The following MCF2L variants were observed in gnomAD, a reference collection of about 807,000 sequenced individuals.
The protein encoded by MCF2L is MCF.2 cell line derived transforming sequence like, also known as guanine nucleotide exchange factor DBS.
MCF2L carries 97 observed loss-of-function variants against 153.4 expected under a neutral mutation model. The ratio of observed to expected loss-of-function variants is 0.63; its 90% CI spans 0.54 to 0.75. The LOEUF (loss-of-function observed/expected upper bound fraction) is 0.75. MCF2L is among the 30% of genes least tolerant of loss of function. MCF2L has a pLI of 0.00. For synonymous variants in MCF2L, 659 were observed against 632.2 expected (o/e 1.04, Z -0.64); for missense variants, 1,347 against 1,495.2 (o/e 0.90, Z 1.64).
chr13:113,037,732 T>C (rs2086238443), intron 3 of MCF2L, among the ~76,000 whole-genome samples: 1 of 152,228 alleles, frequency 6.6e-6, no homozygotes, highest in African/African-American at 2.4e-5. Flanking sequence ...AGCCCCACTT[T>C]CTGCATTTCA....
At chr13:112,985,992 ACTCTTC>A (rs138934900) in intron 1 of MCF2L, among the ~76,000 whole-genome samples, 2,221 of 152,046 alleles carry the variant, frequency 0.015, 59 homozygotes, top group African/African-American at 0.052. Flanking sequence ...AGCCCCGGCC[ACTCTTC>A]CTCTTCCCGT....
rs899249546 is a variant in MCF2L at position 112,960,716 on chromosome 13, C to T, written c.170-54047C>T. Among the ~76,000 whole-genome samples the T allele has an allele frequency of 1.3e-5, 2 of 152,160 alleles. No homozygotes were observed. Among genetic ancestry groups the T allele is most frequent in the Non-Finnish European group, 2.9e-5 (2 of 68,028 alleles). ...GCAGGGCTAGTCCCTTCTGGAGGCT[C>T]CAGGAAGAATCCTTTCCTCGCCCTG... On this transcript the variant is annotated intron_variant, in intron 2 of 29. Coordinates refer to the MCF2L transcript ENST00000375608. This position sits in a 1 kb window ranked among gnomAD's most constrained non-coding sequence, Gnocchi z 4.2.
At chr13:112,927,470 A>G (rs1167504082) in intron 2 of MCF2L, among the ~76,000 whole-genome samples, 1 of 152,132 alleles carries the variant, frequency 6.6e-6, no homozygotes, top group Non-Finnish European at 1.5e-5. Flanking sequence ...CTTTGGATAA[A>G]TGACCGGGTC....
chr13:113,039,611 C>T (rs865863054), intron 3 of MCF2L, among the ~76,000 whole-genome samples: 7 of 150,630 alleles, frequency 4.6e-5, no homozygotes, highest in Non-Finnish European at 7.4e-5. Flanking sequence ...GAGAACTACA[C>T]ACCAACAAGT....
At chr13:113,089,801 C>G in intron 26 of MCF2L, 73 bp downstream of exon 26, 1 of 1,601,544 alleles carries the variant, frequency 6.2e-7, no homozygotes, top group Non-Finnish European at 8.5e-7. Flanking sequence ...TCACTGCATC[C>G]GAGAAACCTG....
chr13:112,957,660 A>G (rs1011798721), intron 2 of MCF2L: 1 of 151,560 alleles, frequency 6.6e-6, no homozygotes, highest in African/African-American at 2.4e-5. Flanking sequence ...TGGTTCATGT[A>G]TTACATACTT....
intron 2 of MCF2L, among the ~76,000 whole-genome samples, chr13:112,954,500 C>T (rs2140724815): frequency 6.6e-6 from 1 of 152,332 alleles, no homozygotes. Context: ...CTTCACTATC[C>T]CTTGGCCTTA....
intron 14 of MCF2L, 69 bp from the exon 15 acceptor site, chr13:113,078,597 T>TGGCCTTGAGAGTTGGCC: frequency 6.8e-7 from 1 of 1,478,682 alleles, no homozygotes; most frequent in South Asian, 1.2e-5. Flanking sequence ...ACTGGTGGGC[T>TGGCCTTGAGAGTTGGCC]CTGGCCTTGA....
At chr13:112,936,676 A>G (rs2081518498) in intron 2 of MCF2L, among the ~76,000 whole-genome samples, 1 of 152,228 alleles carries the variant, frequency 6.6e-6, no homozygotes, top group African/African-American at 2.4e-5. Flanking sequence ...GTATGCTCCC[A>G]AACATTTATA....
chr13:112,919,244 C>T (rs1191765623), intron 2 of MCF2L, among the ~76,000 whole-genome samples: 1 of 119,618 alleles, frequency 8.4e-6, no homozygotes, highest in African/African-American at 3.3e-5. Flanking sequence ...CTTGCTCTGT[C>T]GCCCAGGCTG....
At chr13:112,934,261 C>T (rs1165573897) in intron 2 of MCF2L, among the ~76,000 whole-genome samples, 1 of 152,240 alleles carries the variant, frequency 6.6e-6, no homozygotes, top group Non-Finnish European at 1.5e-5. Flanking sequence ...GGGCACACGT[C>T]CTTCCCACTG....
Position 113,024,607 on chromosome 13 carries a change from G to C in MCF2L, c.164-37G>C, listed in dbSNP as rs745901868. 1.8e-5 allele frequency: 26 copies of C among 1,432,186 alleles called. No individual in the cohort carries two copies. The Admixed American group carries it at 4.0e-4, about 22-fold the overall frequency. 88.7% of individuals were successfully genotyped at this position (1,432,186 alleles called of 1,614,324 possible). ...TCTGTGGAACCCCCGGGGGCATGGA[G>C]CCCTCGGCTAAGGGTCTGCCTCTGG... On this transcript the variant is annotated intron_variant, in intron 2 of 29. Transcript: ENST00000535094.
intron 1 of MCF2L, among the ~76,000 whole-genome samples, chr13:112,971,481 G>T (rs562779403): frequency 6.6e-6 from 1 of 152,290 alleles, no homozygotes; most frequent in Non-Finnish European, 1.5e-5. Flanking sequence ...ACAGCGGCTG[G>T]CCTTAGAGCA....
At chr13:112,989,054 A>G (rs1194410384) in intron 1 of MCF2L, among the ~76,000 whole-genome samples, 19 of 79,746 alleles carry the variant, frequency 2.4e-4, no homozygotes, top group East Asian at 7.8e-4. Context: ...CCTGAGCAGG[A>G]CATGGAGCTA....
intron 26 of MCF2L, chr13:113,090,037 C>T (rs898280204): frequency 1.9e-6 from 3 of 1,592,922 alleles, no homozygotes; most frequent in Non-Finnish European, 2.6e-6. Context: ...TTGCGATGCC[C>T]TCTGCATAGT....
chr13:113,078,336 A>G (rs757305768), intron 13 of MCF2L, 27 bp from the exon 14 acceptor site: 3 of 1,592,404 alleles, frequency 1.9e-6, no homozygotes, highest in Admixed American at 1.7e-5. Flanking sequence ...AGGGGACTTC[A>G]TGCCCCGCTC....
chr13:113,031,223 GAGAC>G lies in MCF2L; in HGVS notation c.278+6469_278+6472del, dbSNP rs994248957. ...AGACAGACAGAGACAGAGACAGAGAGAGACAGAGAGAAGAGACAGAGAGTGACAG... is the reference window on the plus strand; with the variant it reads ...AGACAGACAGAGACAGAGACAGAGAGAGAGAGAAGAGACAGAGAGTGACAG... On this transcript the variant is annotated intron_variant, in intron 3 of 29. Transcript: ENST00000535094. This position sits in a 1 kb window ranked among gnomAD's most constrained non-coding sequence, Gnocchi z 5.5. Among the ~76,000 whole-genome samples the G allele has an allele frequency of 2.1e-5, 3 of 140,392 alleles. No homozygotes were observed. Among genetic ancestry groups the G allele is most frequent in the South Asian group, 2.3e-4 (1 of 4,360 alleles). The allele number at this position is 140,392 out of a possible 152,430, so 92.1% of individuals were successfully genotyped here. A position where few individuals can be genotyped will look rare whatever the true frequency, so the allele number is the denominator to read the frequency against.
intron 2 of MCF2L, among the ~76,000 whole-genome samples, chr13:112,920,112 A>AT (rs35944876): frequency 0.23 from 35,365 of 152,076 alleles, 4,528 homozygotes; most frequent in South Asian, 0.31. Flanking sequence ...GAAGGTTACC[A>AT]TGCTACCTGG....
intron 2 of MCF2L, among the ~76,000 whole-genome samples, chr13:113,017,443 C>A: frequency 6.6e-6 from 1 of 152,314 alleles, no homozygotes; most frequent in Admixed American, 6.5e-5. Context: ...ACACCCGTCA[C>A]GAGATTTAGG....
Sources: allele counts gnomAD v4.1 joint callset (sites outside exome capture counted in the v4.1 genomes callset), GRCh38; gene constraint gnomAD v4.1.1; non-coding constraint Gnocchi (gnomAD v3.1); transcripts MANE v1.5; gene names NCBI Gene and HGNC (gene_info 2026-07-23, HGNC 2026-07-21).